The following RAB3GAP2 variants were observed in gnomAD, a reference collection of about 807,000 sequenced individuals.
RAB3GAP2 encodes RAB3 GTPase activating non-catalytic protein subunit 2, also known as rab3 GTPase-activating protein non-catalytic subunit.
In RAB3GAP2, 87 loss-of-function variants were observed where a neutral mutation model predicts 185.3. That is an observed-to-expected ratio of 0.47 (90% CI 0.39 to 0.56). The LOEUF is 0.56. Among genes scored for constraint, RAB3GAP2 ranks in the 20% least tolerant of loss-of-function variants. The pLI, the probability that RAB3GAP2 is intolerant of heterozygous loss-of-function variation, is 0.00. For synonymous variants in RAB3GAP2, 554 were observed against 576.1 expected, an observed-to-expected ratio of 0.96 and a Z score of 0.55; for missense variants, 1,492 against 1,638.2, an observed-to-expected ratio of 0.91 and a Z score of 1.54.
intron 1 of RAB3GAP2, among the ~76,000 whole-genome samples, chr1:220,271,720 C>G (rs1325859402): frequency 2.0e-5 from 3 of 151,838 alleles, no homozygotes; most frequent in Non-Finnish European, 2.9e-5. Context: ...GGATGATCAA[C>G]ACTTTCGGAA....
At chr1:220,170,822 C>T in intron 24 of RAB3GAP2, 70 bp downstream of exon 24, 1 of 1,289,008 alleles carries the variant, frequency 7.8e-7, no homozygotes, top group Non-Finnish European at 1.1e-6. Flanking sequence ...TTCTTTCCGT[C>T]ATTTCTATTA....
At chr1:220,227,692 T>C (rs546330192) in intron 2 of RAB3GAP2, among the ~76,000 whole-genome samples, 249 of 152,334 alleles carry the variant, frequency 1.6e-3, no homozygotes, top group Non-Finnish European at 3.1e-3. Flanking sequence ...TACCCTCTTC[T>C]GGTTATAATA....
At chr1:220,192,942 G>A (rs771462097) in intron 13 of RAB3GAP2, among the ~76,000 whole-genome samples, 5 of 152,138 alleles carry the variant, frequency 3.3e-5, no homozygotes, top group Non-Finnish European at 7.4e-5. Context: ...GCTTTGTGAA[G>A]GGGAATAAAT....
chr1:220,174,144 T>C (rs1658234299), intron 21 of RAB3GAP2, among the ~76,000 whole-genome samples: 1 of 151,860 alleles, frequency 6.6e-6, no homozygotes, highest in African/African-American at 2.4e-5. Context: ...ATTAATAACA[T>C]GCGTATTTTC....
At chr1:220,245,795 T>G (rs1287189461) in intron 1 of RAB3GAP2, among the ~76,000 whole-genome samples, 2 of 152,160 alleles carry the variant, frequency 1.3e-5, no homozygotes, top group African/African-American at 4.8e-5. Context: ...AGAGCAGTGG[T>G]TCTCCCAGCA....
At position 220,151,393 on chromosome 1, in the gene RAB3GAP2, A is replaced by G; in HGVS notation, c.4040T>C (p.Leu1347Pro). 6.2e-7 allele frequency: 1 copy of G among 1,614,196 alleles called. No individual in the cohort carries two copies. The highest frequency in any genetic ancestry group is 8.5e-7 in the Non-Finnish European group (1 of 1,180,014). ...TWLKAMDPQD[L>P]QNTEVPIATT... is the part of the protein sequence containing the mutation. ...TGCAATTGGCACTTCAGTGTTTTGA[A>G]GGTCCTGGGGGTCCTGCAAATGGGA... Residue 1347 changes from leucine (L) to proline (P), a missense_variant, in exon 35 of 35, where the codon CTT becomes CCT. Physicochemically the swap from Leu to Pro is moderately conservative, Grantham distance 98. This residue lies in a region of RAB3GAP2 where 387 missense variants were observed against 455.3 expected (regional missense o/e 0.85). Coordinates refer to ENST00000358951, the MANE Select transcript of RAB3GAP2 (RefSeq NM_012414.4).
chr1:220,191,816 A>C (rs1488741755), intron 13 of RAB3GAP2, among the ~76,000 whole-genome samples: 3 of 139,716 alleles, frequency 2.1e-5, no homozygotes, highest in Non-Finnish European at 4.7e-5. Context: ...GAAACTCTCT[A>C]AAAAAAAAAA....
At chr1:220,263,156 T>C (rs1043519257) in intron 1 of RAB3GAP2, among the ~76,000 whole-genome samples, 1 of 152,116 alleles carries the variant, frequency 6.6e-6, no homozygotes, top group African/African-American at 2.4e-5. Context: ...TTTTTTGTTG[T>C]TGTTATTGAG....
At chr1:220,261,860 T>C (rs1660143143) in intron 1 of RAB3GAP2, among the ~76,000 whole-genome samples, 1 of 152,202 alleles carries the variant, frequency 6.6e-6, no homozygotes, top group Admixed American at 6.5e-5. Flanking sequence ...ATTGATCCTT[T>C]TAGCAGTAAA....
At chr1:220,167,143 G>T in intron 26 of RAB3GAP2, 150 bp downstream of exon 26, 1 of 715,388 alleles carries the variant, frequency 1.4e-6, no homozygotes. Flanking sequence ...GAGGAAATAT[G>T]TGAAAAAGGT....
chr1:220,151,359 A>G lies in RAB3GAP2; in HGVS notation c.4074T>C (p.Ala1358=). Residue 1358 remains alanine (A), a synonymous_variant, in exon 35 of 35, where the codon GCT becomes GCC. Transcript: ENST00000358951. ...GCTCAATTACTTTATTTACTAGTTT[A>G]GCTGTTGTTGCAATTGGCACTTCAG... ...QNTEVPIATT[A]KLVNKVIELL... 6.2e-7 allele frequency: 1 copy of G among 1,614,176 alleles called. No individual in the cohort carries two copies. The highest frequency in any genetic ancestry group is 8.5e-7 in the Non-Finnish European group (1 of 1,180,022).
chr1:220,181,083 G>A (rs933748438), intron 21 of RAB3GAP2, among the ~76,000 whole-genome samples: 3 of 152,112 alleles, frequency 2.0e-5, no homozygotes, highest in African/African-American at 4.8e-5. Context: ...ATGATTTAAG[G>A]TATACAGGAG....
intron 24 of RAB3GAP2, among the ~76,000 whole-genome samples, chr1:220,170,318 ATGATGGGT>A: frequency 6.6e-6 from 1 of 152,272 alleles, no homozygotes; most frequent in South Asian, 2.1e-4. Context: ...CCTAATGTCG[ATGATGGGT>A]TGATGGGTGC....
At chr1:220,203,200 G>T (rs1376456969) in intron 8 of RAB3GAP2, among the ~76,000 whole-genome samples, 2 of 152,142 alleles carry the variant, frequency 1.3e-5, no homozygotes, top group Admixed American at 1.3e-4. Flanking sequence ...TGAATGAAAT[G>T]CCAATCTTTA....
chr1:220,206,380 A>C, intron 7 of RAB3GAP2, among the ~76,000 whole-genome samples: 1 of 152,212 alleles, frequency 6.6e-6, no homozygotes, highest in Non-Finnish European at 1.5e-5. Context: ...ATATTCATAC[A>C]CATTTGCATA....
At position 220,271,916 on chromosome 1, in the gene RAB3GAP2, G is replaced by C. The variant is rs527991405; in HGVS notation, c.115+307C>G. Among the ~76,000 whole-genome samples the C allele has an allele frequency of 2.4e-5, 3 of 124,562 alleles. No homozygotes were observed. The East Asian group carries it at 8.5e-4, about 35-fold the overall frequency. The allele number at this position is 124,562 out of a possible 152,430, so 81.7% of individuals were successfully genotyped here. A position where few individuals can be genotyped will look rare whatever the true frequency, so the allele number is the denominator to read the frequency against. ...AGAAGATACTCAGAGAGAAAGCTAG[G>C]AATGTGTGGGGGTGGGGGGAGGGAG... On this transcript the variant is annotated intron_variant, in intron 1 of 34. Coordinates refer to ENST00000358951, the MANE Select transcript of RAB3GAP2 (RefSeq NM_012414.4).
chr1:220,191,252 T>A lies in RAB3GAP2; in HGVS notation c.1303A>T (p.Thr435Ser). 6.2e-7 allele frequency: 1 copy of A among 1,613,230 alleles called. No homozygotes were observed. The highest frequency in any genetic ancestry group is 8.5e-7 in the Non-Finnish European group (1 of 1,179,820). ...YRDAQIGWIQ[T>S]VEDLHERVPE... The stretch of plus-strand genomic sequence containing the variant: ...ACTCTTTCATGGAGGTCCTCTACAG[T>A]TTGAATCCATCCAATTTGTGCGTCG... The change falls in exon 14 of 35, where the codon ACT (threonine) becomes TCT (serine). Residue 435 changes from threonine to serine, a missense_variant. Transcript: ENST00000358951.
chr1:220,153,309 T>C lies in RAB3GAP2; in HGVS notation c.3743A>G (p.Lys1248Arg). The C allele has an allele frequency of 6.2e-7, 1 of 1,614,220 alleles. No homozygotes were observed. The highest frequency in any genetic ancestry group is 8.5e-7 in the Non-Finnish European group (1 of 1,180,020). The change falls in exon 33 of 35, where the codon AAA becomes AGA. Residue 1248 changes from lysine (K) to arginine (R), a missense_variant. This residue lies in a region of RAB3GAP2 where 387 missense variants were observed against 455.3 expected (regional missense o/e 0.85). Transcript: ENST00000358951. ...AGCTAGAGCTGGCCAATCTTGGTCTTTCCCAAAAGGAGTGGGTGTGGCCTC... is the reference window on the plus strand; with the variant it reads ...AGCTAGAGCTGGCCAATCTTGGTCTCTCCCAAAAGGAGTGGGTGTGGCCTC... ...TEEATPTPFG[K>R]DQDWPALAVD...
intron 2 of RAB3GAP2, among the ~76,000 whole-genome samples, chr1:220,216,916 CTA>C (rs1480885440): frequency 6.6e-6 from 1 of 151,590 alleles, no homozygotes; most frequent in Admixed American, 6.6e-5. Flanking sequence ...AATATTGTTC[CTA>C]TGTTTCTGTC....
Sources: gnomAD v4.1 joint callset for allele counts (sites outside exome capture counted in the v4.1 genomes callset) on GRCh38, gnomAD v4.1.1 for gene constraint, gnomAD v4.1.1 regional missense constraint, MANE v1.5 for transcripts, NCBI Gene and HGNC (gene_info 2026-07-23, HGNC 2026-07-21) for gene names.